Variants in MYO6 observed in about 807,000 individuals in gnomAD.
MYO6 encodes the protein unconventional myosin-VI.
In MYO6, 74 loss-of-function variants were observed where a neutral mutation model predicts 178.7. That is an observed-to-expected ratio of 0.41 (90% CI 0.34 to 0.50). The LOEUF (loss-of-function observed/expected upper bound fraction) is 0.50, where lower values mean the gene tolerates loss of function less well. Ranked by LOEUF, MYO6 falls within the 20% of genes least tolerant of loss-of-function variation. MYO6 has a pLI of 0.09. For missense variants in MYO6, 1,330 were observed against 1,547.4 expected (o/e 0.86, Z 2.36); for synonymous variants, 477 against 504.6 (o/e 0.95, Z 0.73).
chr6:75,846,616 ATCTT>A (rs1227081766), intron 10 of MYO6, among the ~76,000 whole-genome samples: 2 of 152,164 alleles, frequency 1.3e-5, no homozygotes, highest in Non-Finnish European at 2.9e-5. Context: ...TTATTATTGT[ATCTT>A]TCTTTGTCTT....
chr6:75,904,762 G>T (rs9350604), intron 30 of MYO6, among the ~76,000 whole-genome samples: 59,642 of 152,040 alleles, frequency 0.39, 12,709 homozygotes, highest in Middle Eastern at 0.54. Flanking sequence ...TTTGTTCCGT[G>T]GCTGGTGAGG....
intron 1 of MYO6, among the ~76,000 whole-genome samples, chr6:75,777,718 TA>T (rs1223219189): frequency 1.3e-5 from 2 of 152,118 alleles, no homozygotes; most frequent in Non-Finnish European, 2.9e-5. Flanking sequence ...ATTACAGGCA[TA>T]AACCACTGCA....
intron 30 of MYO6, among the ~76,000 whole-genome samples, chr6:75,903,306 G>A (rs1779978133): frequency 1.3e-5 from 2 of 152,112 alleles, no homozygotes; most frequent in South Asian, 4.1e-4. Flanking sequence ...TCGTTGATCT[G>A]TCTAATGTGG....
intron 1 of MYO6, among the ~76,000 whole-genome samples, chr6:75,801,570 T>C (rs1165824206): frequency 6.6e-6 from 1 of 152,142 alleles, no homozygotes; most frequent in Non-Finnish European, 1.5e-5. Context: ...TTTTCAGAGA[T>C]AGTTTAGTAG....
intron 1 of MYO6, among the ~76,000 whole-genome samples, chr6:75,769,622 C>T (rs1181146815): frequency 6.6e-6 from 1 of 152,230 alleles, no homozygotes. Flanking sequence ...ATTGAGTAGG[C>T]TGGGCGTGGT....
chr6:75,815,715 T>C (rs1408313270), intron 1 of MYO6, among the ~76,000 whole-genome samples: 1 of 152,212 alleles, frequency 6.6e-6, no homozygotes, highest in Non-Finnish European at 1.5e-5. Flanking sequence ...AACATGCCAA[T>C]AGTTAGCTGC....
At chr6:75,854,247 C>T (rs189227012) in intron 11 of MYO6, among the ~76,000 whole-genome samples, 1 of 142,796 alleles carries the variant, frequency 7.0e-6, no homozygotes, top group East Asian at 2.1e-4. Flanking sequence ...CTCAAAATGC[C>T]CACATGGGTC....
At chr6:75,859,591 C>T (rs553252662) in intron 14 of MYO6, among the ~76,000 whole-genome samples, 2 of 151,062 alleles carry the variant, frequency 1.3e-5, no homozygotes, top group Non-Finnish European at 1.5e-5. Context: ...TGAGCCACCG[C>T]GCCTGGCCTG....
intron 13 of MYO6, 79 bp downstream of exon 13, chr6:75,857,333 CCTTTGTAACT>C: frequency 7.1e-7 from 1 of 1,405,594 alleles, no homozygotes; most frequent in South Asian, 1.2e-5. Context: ...AATCTTTTCT[CCTTTGTAACT>C]CATTTTACTT....
rs1773595706 is a variant in MYO6, at chr6:75,835,888, A to G, written c.498-13A>G. 2 of 1,526,342 alleles carry G rather than the reference A, an allele frequency of 1.3e-6. No individual in the cohort carries two copies. Among genetic ancestry groups the G allele is most frequent in the Non-Finnish European group, 1.8e-6 (2 of 1,100,016 alleles). The allele number at this position is 1,526,342 out of a possible 1,614,324, so 94.5% of individuals were successfully genotyped here. A position where few individuals can be genotyped will look rare whatever the true frequency, so the allele number is the denominator to read the frequency against. On this transcript the variant is annotated splice_polypyrimidine_tract_variant and intron_variant, in intron 6 of 34. Coordinates refer to ENST00000369977, the MANE Select transcript of MYO6 (RefSeq NM_004999.4). ...TATTGTCATCAACATTTTTTATCCT[A>G]TATTTTAAACAGATACCTGACTGAA...
chr6:75,810,436 A>G (rs1770580732), intron 1 of MYO6, among the ~76,000 whole-genome samples: 1 of 152,200 alleles, frequency 6.6e-6, no homozygotes. Flanking sequence ...ATTGCTGCAA[A>G]GAATCTGTTT....
At chr6:75,809,139 C>G (rs922745575) in intron 1 of MYO6, among the ~76,000 whole-genome samples, 6 of 152,172 alleles carry the variant, frequency 3.9e-5, no homozygotes, top group Admixed American at 1.3e-4. Context: ...GTGAGGGAGG[C>G]ATGTAACTTT....
At chr6:75,852,969 C>A (rs77907556) in intron 11 of MYO6, among the ~76,000 whole-genome samples, 1 of 152,118 alleles carries the variant, frequency 6.6e-6, no homozygotes, top group African/African-American at 2.4e-5. Flanking sequence ...CCATCAGAAG[C>A]GTATGAGGGT....
At chr6:75,877,230 CCCAAAGTGCTGGGATTACAGGCATGAG>C (rs1421199091) in intron 20 of MYO6, among the ~76,000 whole-genome samples, 2 of 151,800 alleles carry the variant, frequency 1.3e-5, no homozygotes, top group Non-Finnish European at 2.9e-5. Flanking sequence ...GCCTCGGCCT[CCCAAAGTGCTGGGATTACAGGCATGAG>C]CCACCGCGCC....
At chr6:75,902,556 G>T (rs1436884002) in intron 30 of MYO6, among the ~76,000 whole-genome samples, 1 of 152,074 alleles carries the variant, frequency 6.6e-6, no homozygotes, top group Non-Finnish European at 1.5e-5. Context: ...GTATTTCTGT[G>T]GGATCGGTGG....
At chr6:75,855,027 G>A (rs1413054603) in intron 11 of MYO6, 112 bp from the exon 12 acceptor site, 31 of 944,146 alleles carry the variant, frequency 3.3e-5, no homozygotes, top group Non-Finnish European at 4.9e-5. Flanking sequence ...TTACAAATAA[G>A]CCTTGCCTAT....
intron 11 of MYO6, among the ~76,000 whole-genome samples, chr6:75,849,340 C>T (rs543587965): frequency 6.6e-6 from 1 of 152,298 alleles, no homozygotes; most frequent in Non-Finnish European, 1.5e-5. Flanking sequence ...TATATTAAGA[C>T]ATTATTGTAC....
In MYO6 at chr6:75,841,228, A is replaced by C. The variant is rs1166201055; in HGVS notation, c.666A>C (p.Gly222=). 1 of 1,613,922 alleles carries C rather than the reference A, an allele frequency of 6.2e-7. No individual in the cohort carries two copies. Among genetic ancestry groups the C allele is most frequent in the South Asian group, 1.1e-5 (1 of 91,074 alleles). Residue 222 remains glycine (G), a synonymous_variant, in exon 9 of 35, where the codon GGA becomes GGC. Coordinates refer to ENST00000369977, the MANE Select transcript of MYO6 (RefSeq NM_004999.4). ...TTGTTTTTTAGAGCTCAGTTGTTGG[A>C]GGATTTGTTTCACATTATCTCCTAG... ...IHFNEKSSVV[G]GFVSHYLLEK... is the part of the protein sequence containing the mutation.
At chr6:75,749,894 AG>A (rs952342708) in intron 1 of MYO6, among the ~76,000 whole-genome samples, 1 of 152,174 alleles carries the variant, frequency 6.6e-6, no homozygotes, top group African/African-American at 2.4e-5. Flanking sequence ...CTTAGTCTCC[AG>A]GTGGTCCAGT....
Sources: allele counts gnomAD v4.1 joint callset (sites outside exome capture counted in the v4.1 genomes callset), GRCh38; gene constraint gnomAD v4.1.1; transcripts MANE v1.5; gene names NCBI Gene and HGNC (gene_info 2026-07-23, HGNC 2026-07-21).